Variants in ATG10 observed in about 807,000 individuals in gnomAD.
The protein encoded by ATG10 is ubiquitin-like-conjugating enzyme ATG10.
ATG10 carries 30 observed loss-of-function variants against 32.1 expected under a neutral mutation model. The ratio of observed to expected loss-of-function variants is 0.94; its 90% confidence interval spans 0.70 to 1.27. ATG10 has a LOEUF of 1.27. Ranked by LOEUF, ATG10 falls within the 50% of genes most tolerant of loss-of-function variation. The pLI is 0.00. For missense variants in ATG10, 233 were observed against 262.3 expected, an observed-to-expected ratio of 0.89 and a Z score of 0.77; for synonymous variants, 87 against 91.5, an observed-to-expected ratio of 0.95 and a Z score of 0.28.
At chr5:82,185,474 TAGG>T (rs1744413302) in intron 5 of ATG10, among the ~76,000 whole-genome samples, 1 of 152,222 alleles carries the variant, frequency 6.6e-6, no homozygotes, top group African/African-American at 2.4e-5. Context: ...CAGAGTGGAA[TAGG>T]AGAAGCCTGT....
At chr5:82,133,816 G>T (rs1359641664) in intron 3 of ATG10, among the ~76,000 whole-genome samples, 2 of 152,020 alleles carry the variant, frequency 1.3e-5, no homozygotes, top group Non-Finnish European at 2.9e-5. Flanking sequence ...TGGGCAGTAT[G>T]GCCATTTTCA....
chr5:82,146,265 G>T (rs191585051), intron 3 of ATG10, among the ~76,000 whole-genome samples: 2 of 151,988 alleles, frequency 1.3e-5, no homozygotes, highest in Non-Finnish European at 1.5e-5. Flanking sequence ...GGCCTTCATT[G>T]TTTTTCTGGT....
intron 3 of ATG10, chr5:82,072,941 A>G (rs1397342755): frequency 5.3e-5 from 8 of 152,298 alleles, no homozygotes. Context: ...TGAAGGAGGT[A>G]CATAATTATA....
rs561835869 is a variant in ATG10, at chr5:82,020,801, T to C, written c.108+33123T>C. Among the ~76,000 whole-genome samples, 339 of 152,260 alleles carry C rather than the reference T, an allele frequency of 2.2e-3. 1 individual carries two copies. Among genetic ancestry groups the C allele is most frequent in the African/African-American group, 7.9e-3 (327 of 41,540 alleles). On this transcript the variant is annotated intron_variant, in intron 2 of 7. Coordinates refer to ENST00000282185, the MANE Select transcript of ATG10 (RefSeq NM_031482.5). ...TTCAAAGAGGCCACATTCAGAGTTA[T>C]TGCGAGAAGGCAATACCAAAGGACA...
At chr5:82,026,350 C>T (rs995235692) in intron 2 of ATG10, among the ~76,000 whole-genome samples, 9 of 152,058 alleles carry the variant, frequency 5.9e-5, no homozygotes, top group South Asian at 2.1e-4. Flanking sequence ...ATTGTATATA[C>T]GTGCCGCATT....
rs140668747 is a variant in ATG10, at chr5:82,234,964, T to C, written c.454-17598T>C. On this transcript the variant is annotated intron_variant, in intron 5 of 7. Transcript: ENST00000282185. ...AACATGTAATTTGTAGCCCATAGTA[T>C]GTTTGTGCTGTTCCACTTTAATTAC... Among the ~76,000 whole-genome samples the C allele has an allele frequency of 3.5e-3, 527 of 152,332 alleles. 3 individuals are homozygous for C. Among genetic ancestry groups the C allele is most frequent in the African/African-American group, 0.012 (502 of 41,560 alleles).
intron 3 of ATG10, among the ~76,000 whole-genome samples, chr5:82,109,667 C>T (rs2200425): frequency 0.094 from 14,218 of 151,336 alleles, 975 homozygotes; most frequent in East Asian, 0.34. Flanking sequence ...AAAAGTTACC[C>T]CTCAAATAAC....
At chr5:82,135,776 T>C (rs796359915) in intron 3 of ATG10, among the ~76,000 whole-genome samples, 21 of 152,330 alleles carry the variant, frequency 1.4e-4, no homozygotes, top group African/African-American at 4.8e-4. Flanking sequence ...AATATCCTTG[T>C]TAATTTTCTG....
intron 2 of ATG10, among the ~76,000 whole-genome samples, chr5:82,026,790 G>A (rs1397366207): frequency 6.6e-6 from 1 of 152,122 alleles, no homozygotes; most frequent in Non-Finnish European, 1.5e-5. Context: ...GCTGGGTGCG[G>A]TAGCTCACGC....
chr5:82,207,000 T>C (rs1251163350), intron 5 of ATG10, among the ~76,000 whole-genome samples: 1 of 152,224 alleles, frequency 6.6e-6, no homozygotes, highest in Non-Finnish European at 1.5e-5. Context: ...GCTATAAATA[T>C]AGTATTTGCC....
At chr5:82,015,405 A>G (rs1243915603) in intron 2 of ATG10, among the ~76,000 whole-genome samples, 3 of 152,194 alleles carry the variant, frequency 2.0e-5, no homozygotes, top group African/African-American at 4.8e-5. Context: ...TCTCCTGGAT[A>G]ATATCCTGAA....
chr5:82,093,796 T>C (rs1049124164), intron 3 of ATG10, among the ~76,000 whole-genome samples: 1 of 152,172 alleles, frequency 6.6e-6, no homozygotes, highest in Non-Finnish European at 1.5e-5. Flanking sequence ...AATAGTTTGA[T>C]CCTTTCAAGT....
chr5:82,021,988 A>G (rs1246325865), intron 2 of ATG10, among the ~76,000 whole-genome samples: 1 of 146,526 alleles, frequency 6.8e-6, no homozygotes, highest in Non-Finnish European at 1.5e-5. Context: ...ACGCCATTAC[A>G]CTCCAGCCTG....
intron 5 of ATG10, among the ~76,000 whole-genome samples, chr5:82,193,350 A>G (rs1326576784): frequency 1.3e-5 from 2 of 152,150 alleles, no homozygotes; most frequent in Non-Finnish European, 2.9e-5. Context: ...CAATAGGCTC[A>G]TTTTCTGACA....
intron 2 of ATG10, among the ~76,000 whole-genome samples, chr5:82,004,435 G>C (rs1461099074): frequency 6.6e-6 from 1 of 152,160 alleles, no homozygotes; most frequent in Admixed American, 6.5e-5. Flanking sequence ...AGGAAATCAG[G>C]AGATGGAGAA....
chr5:82,182,473 G>A (rs1045037788), intron 5 of ATG10, among the ~76,000 whole-genome samples: 4 of 152,066 alleles, frequency 2.6e-5, no homozygotes, highest in Admixed American at 2.0e-4. Flanking sequence ...AAACCCAGGT[G>A]TCTTCAGTGG....
intron 2 of ATG10, among the ~76,000 whole-genome samples, chr5:82,049,487 A>T (rs1214842406): frequency 6.6e-6 from 1 of 152,086 alleles, no homozygotes; most frequent in Non-Finnish European, 1.5e-5. Context: ...CCAGCATGGC[A>T]CATGTATGCA....
chr5:82,138,810 GC>G (rs1197540730), intron 3 of ATG10, among the ~76,000 whole-genome samples: 2 of 147,254 alleles, frequency 1.4e-5, no homozygotes, highest in Non-Finnish European at 3.0e-5. Flanking sequence ...AAAATTTGAA[GC>G]TATCTAATGA....
chr5:82,177,443 C>G (rs1282138470), intron 4 of ATG10, among the ~76,000 whole-genome samples: 2 of 152,056 alleles, frequency 1.3e-5, no homozygotes, highest in Admixed American at 6.6e-5. Context: ...CTTCTTTGGT[C>G]TAAATATTCA....
Sources: gnomAD v4.1 joint callset for allele counts (sites outside exome capture counted in the v4.1 genomes callset) on GRCh38, gnomAD v4.1.1 for gene constraint, MANE v1.5 for transcripts, NCBI Gene and HGNC (gene_info 2026-07-23, HGNC 2026-07-21) for gene names.